The following FAM81B variants were observed in gnomAD, a reference collection of about 807,000 sequenced individuals.
FAM81B encodes the protein family with sequence similarity 81 member B.
A neutral mutation model predicts 58.7 loss-of-function variants in FAM81B; 60 were observed. The ratio of observed to expected loss-of-function variants is 1.02; its 90% CI spans 0.83 to 1.27. The LOEUF (loss-of-function observed/expected upper bound fraction) is 1.27. Among genes scored for constraint, FAM81B ranks in the 50% most tolerant of loss-of-function variants. The probability of loss-of-function intolerance (pLI) is 0.00; values close to 1 mark genes in which losing one functional copy is unlikely to be tolerated. For synonymous variants in FAM81B, 189 were observed against 179.6 expected, an observed-to-expected ratio of 1.05 and a Z score of -0.42; for missense variants, 491 against 522.0, an observed-to-expected ratio of 0.94 and a Z score of 0.58.
chr5:95,405,932 C>A (rs1762232193), intron 3 of FAM81B, among the ~76,000 whole-genome samples: 1 of 152,194 alleles, frequency 6.6e-6, no homozygotes, highest in Non-Finnish European at 1.5e-5. Context: ...GTCAATTGTT[C>A]CCCAAGTTTC....
At chr5:95,395,334 G>T (rs1257685605) in intron 2 of FAM81B, among the ~76,000 whole-genome samples, 2 of 150,980 alleles carry the variant, frequency 1.3e-5, no homozygotes, top group Non-Finnish European at 2.9e-5. Context: ...TCCCAGCTAC[G>T]CAGGAGGCTG....
intron 4 of FAM81B, among the ~76,000 whole-genome samples, chr5:95,416,680 T>A (rs1003537523): frequency 6.6e-6 from 1 of 152,228 alleles, no homozygotes; most frequent in Non-Finnish European, 1.5e-5. Context: ...ACTATGTTTG[T>A]AAGCATGATT....
intron 3 of FAM81B, among the ~76,000 whole-genome samples, chr5:95,410,357 C>T (rs1471684825): frequency 6.6e-6 from 1 of 152,152 alleles, no homozygotes; most frequent in Non-Finnish European, 1.5e-5. Flanking sequence ...CAAACAAACC[C>T]TACTTGCTTC....
chr5:95,426,048 A>T (rs1000209889), intron 5 of FAM81B, among the ~76,000 whole-genome samples: 1 of 147,476 alleles, frequency 6.8e-6, no homozygotes, highest in African/African-American at 2.5e-5. Context: ...GATGCATATA[A>T]TATAATCCCA....
chr5:95,422,288 TTTATA>T (rs1370290725), intron 5 of FAM81B, among the ~76,000 whole-genome samples: 1 of 149,950 alleles, frequency 6.7e-6, no homozygotes, highest in Non-Finnish European at 1.5e-5. Flanking sequence ...AACAGGTGAA[TTTATA>T]TTATATATTA....
intron 5 of FAM81B, 86 bp downstream of exon 5, chr5:95,420,488 A>G (rs1762649857): frequency 6.4e-7 from 1 of 1,567,120 alleles, no homozygotes; most frequent in Non-Finnish European, 8.7e-7. Context: ...TGCTGTGGAA[A>G]AAAGATATTG....
intron 3 of FAM81B, among the ~76,000 whole-genome samples, chr5:95,403,983 T>C (rs1369380747): frequency 2.6e-5 from 4 of 152,132 alleles, no homozygotes; most frequent in Admixed American, 2.6e-4. Context: ...CAATGGTATC[T>C]GCCATACTGA....
At chr5:95,427,685 A>C (rs1762884805) in intron 5 of FAM81B, among the ~76,000 whole-genome samples, 1 of 152,246 alleles carries the variant, frequency 6.6e-6, no homozygotes, top group Admixed American at 6.5e-5. Flanking sequence ...ATGACAGTCA[A>C]AACAGTTATT....
intron 6 of FAM81B, among the ~76,000 whole-genome samples, chr5:95,430,524 C>A (rs530349606): frequency 6.6e-6 from 1 of 151,282 alleles, no homozygotes; most frequent in Non-Finnish European, 1.5e-5. Flanking sequence ...CAACTGCATA[C>A]CCTTCCTTTG....
At chr5:95,425,100 G>A (rs2731830) in intron 5 of FAM81B, among the ~76,000 whole-genome samples, 146,535 of 151,828 alleles carry the variant, frequency 0.97, 70,890 homozygotes, top group Middle Eastern at 1. Flanking sequence ...AAAAATTGTC[G>A]TATGACAGGC....
intron 3 of FAM81B, among the ~76,000 whole-genome samples, chr5:95,410,372 ACT>A (rs2152762847): frequency 6.6e-6 from 1 of 152,032 alleles, no homozygotes; most frequent in South Asian, 2.1e-4. Context: ...TGCTTCAGTC[ACT>A]CTCTCTGGAT....
intron 4 of FAM81B, among the ~76,000 whole-genome samples, chr5:95,419,420 T>C (rs1762619922): frequency 6.6e-6 from 1 of 152,234 alleles, no homozygotes; most frequent in South Asian, 2.1e-4. Context: ...TCTCACTTTT[T>C]TTCTTAGTAA....
In FAM81B at chr5:95,392,815, C is replaced by T. The variant is rs750971608; in HGVS notation, c.146C>T (p.Ala49Val). ...CTAGATACAAATGTAAACAAAAGTGCCTCTCCAACTGCGACTGCAGAGGAA... is the reference window on the plus strand; with the variant it reads ...CTAGATACAAATGTAAACAAAAGTGTCTCTCCAACTGCGACTGCAGAGGAA... ...MSSDTNVNKS[A>V]SPTATAEEQP... is the part of the protein sequence containing the mutation. The change falls in exon 2 of 10, where the codon GCC (alanine) becomes GTC (valine). Residue 49 changes from alanine to valine, a missense_variant. Coordinates refer to ENST00000283357, the MANE Select transcript of FAM81B (RefSeq NM_152548.3). 7 of 1,610,876 alleles carry T rather than the reference C, an allele frequency of 4.3e-6. No individual in the cohort carries two copies. The highest frequency in any genetic ancestry group is 5.9e-6 in the Non-Finnish European group (7 of 1,178,500).
chr5:95,448,465 G>A lies in FAM81B; in HGVS notation c.1225+1G>A. 1 of 1,597,710 alleles carries A rather than the reference G, an allele frequency of 6.3e-7. No individual in the cohort carries two copies. Among genetic ancestry groups the A allele is most frequent in the Non-Finnish European group, 8.5e-7 (1 of 1,175,204 alleles). On this transcript the variant is annotated splice_donor_variant, in intron 9 of 9. Transcript: ENST00000283357. LOFTEE classifies it high-confidence loss of function. The stretch of plus-strand genomic sequence containing the variant: ...ACAATGCAGAATGAATATCAATCAG[G>A]TGAGCAGATACCTTTTATTAAGTAA...
chr5:95,398,344 G>A (rs552977534), intron 3 of FAM81B, among the ~76,000 whole-genome samples: 87 of 152,084 alleles, frequency 5.7e-4, no homozygotes, highest in African/African-American at 1.5e-3. Context: ...ACTTGAACCC[G>A]GGAGGTGGAG....
chr5:95,416,114 T>G (rs1347663150), intron 4 of FAM81B, among the ~76,000 whole-genome samples: 1 of 152,218 alleles, frequency 6.6e-6, no homozygotes, highest in African/African-American at 2.4e-5. Flanking sequence ...GAAAATATTT[T>G]AAAGGCTGTA....
Position 95,414,223 on chromosome 5 carries a change from T to G in FAM81B, c.537+33T>G, listed in dbSNP as rs774666124. On this transcript the variant is annotated intron_variant, in intron 4 of 9. Coordinates refer to ENST00000283357, the MANE Select transcript of FAM81B (RefSeq NM_152548.3). The stretch of plus-strand genomic sequence containing the variant: ...TCTTTTTGTTTTATTTTGTTTTTGT[T>G]TTGTATTTTGGCAGCATTGCTTGAT... 126 of 1,582,374 alleles carry G rather than the reference T, an allele frequency of 8.0e-5. 1 individual carries two copies. In the East Asian group the frequency reaches 2.8e-3, roughly 35 times the overall value.
rs530858029 is a variant in FAM81B at position 95,432,076 on chromosome 5, T to A, written c.786+3344T>A. Reference sequence around the variant, plus strand: ...GGAAAGTAAGTTTCCCCATTAAGCATGTTTAGTAGCCAACTATTCCTATAT... The same window carrying A: ...GGAAAGTAAGTTTCCCCATTAAGCAAGTTTAGTAGCCAACTATTCCTATAT... On this transcript the variant is annotated intron_variant, in intron 6 of 9. Transcript: ENST00000283357. 3.9e-5 allele frequency among the ~76,000 whole-genome samples: 6 copies of A among 152,226 alleles called. No homozygotes were observed. The East Asian group carries it at 1.2e-3, about 29-fold the overall frequency.
intron 4 of FAM81B, among the ~76,000 whole-genome samples, chr5:95,417,501 T>C (rs568813321): frequency 1.8e-4 from 28 of 152,192 alleles, no homozygotes; most frequent in Admixed American, 8.5e-4. Context: ...ACAAAATTAA[T>C]AATAATAAAG....
Sources: gnomAD v4.1 joint callset for allele counts (sites outside exome capture counted in the v4.1 genomes callset) on GRCh38, gnomAD v4.1.1 for gene constraint, MANE v1.5 for transcripts, NCBI Gene and HGNC (gene_info 2026-07-23, HGNC 2026-07-21) for gene names.